The following VGLL3 variants were observed in gnomAD, a reference collection of about 807,000 sequenced individuals.
VGLL3 encodes transcription cofactor vestigial-like protein 3.
Under a neutral mutation model 29.2 loss-of-function variants are expected in VGLL3, and 18 were observed. The observed-to-expected ratio is 0.62, with a 90% CI of 0.43 to 0.91. VGLL3 has a LOEUF of 0.91. VGLL3 is among the 40% of genes least tolerant of loss of function. The pLI, the probability that VGLL3 is intolerant of heterozygous loss-of-function variation, is 0.00. For synonymous variants in VGLL3, 180 were observed against 151.8 expected (o/e 1.19, Z -1.36); for missense variants, 440 against 413.2 (o/e 1.06, Z -0.56).
At chr3:86,963,683 G>C (rs1033321817) in intron 3 of VGLL3, among the ~76,000 whole-genome samples, 1 of 152,122 alleles carries the variant, frequency 6.6e-6, no homozygotes, top group African/African-American at 2.4e-5. Flanking sequence ...TTATATGCCT[G>C]GTATATTTGT....
chr3:86,956,710 G>A lies in VGLL3; in HGVS notation c.938-9643C>T, dbSNP rs1350470469. 2.0e-5 allele frequency among the ~76,000 whole-genome samples: 3 copies of A among 150,960 alleles called. No homozygotes were observed. The South Asian group carries it at 6.3e-4, about 32-fold the overall frequency. ...TGAGGCAGGAGAATGGCCTGAACCC[G>A]GGAAGCGGAGCTTGCAGTGAGCCGA... On this transcript the variant is annotated intron_variant, in intron 3 of 3. Coordinates refer to ENST00000398399, the MANE Select transcript of VGLL3 (RefSeq NM_016206.4).
chr3:86,962,141 G>A (rs1295757601), intron 3 of VGLL3: 1 of 985,214 alleles, frequency 1.0e-6, no homozygotes, highest in African/African-American at 1.7e-5. Context: ...TGAGATTTGT[G>A]ATAACAGCCT....
In VGLL3 at chr3:86,945,347, T is replaced by A. The variant is rs1409872904; in HGVS notation, c.*1677A>T. ...ACATGTCATGTTCATGTCTAAAAAG[T>A]TCGCATATATGATACGAACAATTAA... On this transcript the variant is annotated 3_prime_UTR_variant, in exon 4 of 4. Transcript: ENST00000398399. 2 of 152,166 alleles carry A rather than the reference T, an allele frequency of 1.3e-5. No homozygotes were observed. Among genetic ancestry groups the A allele is most frequent in the Admixed American group, 6.6e-5 (1 of 15,264 alleles). 9.4% of individuals were successfully genotyped at this position (152,166 alleles called of 1,614,324 possible).
At position 86,941,970 on chromosome 3, in the gene VGLL3, T is replaced by A. The variant is rs915399806; in HGVS notation, c.*5054A>T. ...CTTTTTTATAGGTTATATGTTTGTT[T>A]TCAACATTCGTTTTTGAATGGATGT... On this transcript the variant is annotated 3_prime_UTR_variant, in exon 4 of 4. Coordinates refer to ENST00000398399, the MANE Select transcript of VGLL3 (RefSeq NM_016206.4). The A allele has an allele frequency of 1.3e-5, 2 of 152,176 alleles. No individual in the cohort carries two copies. The highest frequency in any genetic ancestry group is 2.9e-5 in the Non-Finnish European group (2 of 68,030). 9.4% of individuals were successfully genotyped at this position (152,176 alleles called of 1,614,324 possible).
chr3:86,951,195 G>A (rs1704610999), intron 3 of VGLL3, among the ~76,000 whole-genome samples: 1 of 152,154 alleles, frequency 6.6e-6, no homozygotes. Flanking sequence ...ATGAGAATAT[G>A]ATTTTCCTTA....
At chr3:86,947,931 C>T (rs1244928292) in intron 3 of VGLL3, among the ~76,000 whole-genome samples, 2 of 151,720 alleles carry the variant, frequency 1.3e-5, no homozygotes, top group African/African-American at 4.8e-5. Flanking sequence ...TTTGCACGTA[C>T]TCGAAGTTAC....
Position 86,990,897 on chromosome 3 carries a change from C to G in VGLL3, c.-154G>C, listed in dbSNP as rs1469072588. 8.9e-7 allele frequency: 1 copy of G among 1,122,438 alleles called. No homozygotes were observed. Among genetic ancestry groups the G allele is most frequent in the Non-Finnish European group, 1.1e-6 (1 of 912,608 alleles). The allele number at this position is 1,122,438 out of a possible 1,614,324, so 69.5% of individuals were successfully genotyped here. A position where few individuals can be genotyped will look rare whatever the true frequency, so the allele number is the denominator to read the frequency against. ...GGGTCCTCGGCGGCCTCGGGCTCCG[C>G]GCGGGGCGCGGGGTCGGGAGGGACT... On this transcript the variant is annotated 5_prime_UTR_variant, in exon 1 of 4. Transcript: ENST00000398399.
chr3:86,974,845 T>C (rs1244789724), intron 2 of VGLL3, among the ~76,000 whole-genome samples: 1 of 152,134 alleles, frequency 6.6e-6, no homozygotes, highest in Non-Finnish European at 1.5e-5. Context: ...TAGTATCTAC[T>C]ATTATCTAAG....
At position 86,966,771 on chromosome 3, in the gene VGLL3, GTGTATATATATATATATATATATATA is replaced by G. The variant is rs1313809310; in HGVS notation, c.937+1793_937+1818del. On this transcript the variant is annotated intron_variant, in intron 3 of 3. Coordinates refer to ENST00000398399, the MANE Select transcript of VGLL3 (RefSeq NM_016206.4). Reference sequence around the variant, plus strand: ...AAGAACTTAAAGTAATAGTGTGTGTGTGTATATATATATATATATATATATATATATATATATATATATATATATAT... The same window carrying G: ...AAGAACTTAAAGTAATAGTGTGTGTGTATATATATATATATATATATATAT... Among the ~76,000 whole-genome samples the G allele has an allele frequency of 9.4e-3, 655 of 69,544 alleles. 11 individuals carry two copies. The highest frequency in any genetic ancestry group is 0.019 in the African/African-American group (361 of 18,914). The allele number at this position is 69,544 out of a possible 152,430, so 45.6% of individuals were successfully genotyped here.
chr3:86,970,483 G>GCGCACACACACACACACA (rs1553706434), intron 2 of VGLL3, among the ~76,000 whole-genome samples: 3 of 141,200 alleles, frequency 2.1e-5, no homozygotes. Flanking sequence ...TTACACACAC[G>GCGCACACACACACACACA]CACACACACA....
chr3:86,978,428 ATAT>A lies in VGLL3; in HGVS notation c.403+95_403+97del, dbSNP rs1226475190. On this transcript the variant is annotated intron_variant, in intron 2 of 3. Transcript: ENST00000398399. The stretch of plus-strand genomic sequence containing the variant: ...TCCTTAAATATTAAAAAGCAAGTGG[ATAT>A]CCATCCTCAGGGGCAAGTCTCCAGC... 36 of 1,330,782 alleles carry A rather than the reference ATAT, an allele frequency of 2.7e-5. 1 individual carries two copies. In the South Asian group the frequency reaches 4.2e-4, roughly 15 times the overall value. The allele number at this position is 1,330,782 out of a possible 1,614,324, so 82.4% of individuals were successfully genotyped here.
intron 3 of VGLL3, among the ~76,000 whole-genome samples, chr3:86,959,877 T>C (rs948917001): frequency 2.0e-5 from 3 of 152,120 alleles, no homozygotes; most frequent in Non-Finnish European, 4.4e-5. Context: ...CTAAAAGAAA[T>C]CATAGGTCTT....
intron 3 of VGLL3, among the ~76,000 whole-genome samples, chr3:86,950,395 T>A (rs183647934): frequency 1.6e-4 from 24 of 152,254 alleles, no homozygotes; most frequent in South Asian, 1.2e-3. Context: ...ATGAAAAAAT[T>A]TAAGTTAAGA....
chr3:86,948,795 G>C lies in VGLL3; in HGVS notation c.938-1728C>G, dbSNP rs540604108. ...CATTTCGAAAGAAGAGGAGGAGAAG[G>C]ATAAAAGAGGACAATGAGAGGGAGA... is the stretch of plus-strand genomic sequence containing the variant. On this transcript the variant is annotated intron_variant, in intron 3 of 3. Transcript: ENST00000398399. Among the ~76,000 whole-genome samples, 5 of 152,126 alleles carry C rather than the reference G, an allele frequency of 3.3e-5. 1 individual carries two copies. In the East Asian group the frequency reaches 9.7e-4, roughly 29 times the overall value.
At chr3:86,958,190 T>C (rs1704763935) in intron 3 of VGLL3, among the ~76,000 whole-genome samples, 2 of 152,134 alleles carry the variant, frequency 1.3e-5, no homozygotes, top group Admixed American at 6.5e-5. Context: ...GCAAACATTG[T>C]CACAATAAAC....
intron 3 of VGLL3, among the ~76,000 whole-genome samples, chr3:86,954,096 A>T (rs909633602): frequency 1.3e-5 from 2 of 152,226 alleles, no homozygotes; most frequent in African/African-American, 4.8e-5. Context: ...TTCTCCAGGC[A>T]CATTTAGAAT....
In VGLL3 at chr3:86,943,091, A is replaced by T. The variant is rs1301670011; in HGVS notation, c.*3933T>A. The T allele has an allele frequency of 6.6e-6, 1 of 152,128 alleles. No homozygotes were observed. Among genetic ancestry groups the T allele is most frequent in the African/African-American group, 2.4e-5 (1 of 41,454 alleles). 9.4% of individuals were successfully genotyped at this position (152,128 alleles called of 1,614,324 possible). A position where few individuals can be genotyped will look rare whatever the true frequency, so the allele number is the denominator to read the frequency against. ...TATTATTCCATTTTACTCATGAGAT[A>T]AATAAATGAAGCCCCAAACCACACA... On this transcript the variant is annotated 3_prime_UTR_variant, in exon 4 of 4. Coordinates refer to ENST00000398399, the MANE Select transcript of VGLL3 (RefSeq NM_016206.4).
chr3:86,962,053 C>A (rs1704857930), intron 3 of VGLL3: 1 of 984,974 alleles, frequency 1.0e-6, no homozygotes, highest in Non-Finnish European at 1.2e-6. Context: ...CCCTTATTAT[C>A]ACATTCTGAG....
intron 3 of VGLL3, among the ~76,000 whole-genome samples, chr3:86,966,185 C>A (rs984776585): frequency 2.0e-5 from 3 of 151,956 alleles, no homozygotes; most frequent in African/African-American, 7.3e-5. Flanking sequence ...TTTTCAGAGA[C>A]AAATCTGAGC....
Sources: gnomAD v4.1 joint callset for allele counts (sites outside exome capture counted in the v4.1 genomes callset) on GRCh38, gnomAD v4.1.1 for gene constraint, MANE v1.5 for transcripts, NCBI Gene and HGNC (gene_info 2026-07-23, HGNC 2026-07-21) for gene names.